Variants in EPG5 observed in about 807,000 individuals in gnomAD.
EPG5 encodes ectopic P granules protein 5 homolog.
A neutral mutation model predicts 302.7 loss-of-function variants in EPG5; 159 were observed. The ratio of observed to expected loss-of-function variants is 0.53; its 90% CI spans 0.46 to 0.60. EPG5 has a LOEUF of 0.60. EPG5 is among the 20% of genes least tolerant of loss of function. EPG5 has a pLI of 0.00. For synonymous variants in EPG5, 1,158 were observed against 1,136.8 expected, an observed-to-expected ratio of 1.02 and a Z score of -0.37; for missense variants, 2,896 against 3,092.4, an observed-to-expected ratio of 0.94 and a Z score of 1.51.
chr18:45,927,674 T>C (rs1316758700), intron 13 of EPG5, among the ~76,000 whole-genome samples: 4 of 149,870 alleles, frequency 2.7e-5, no homozygotes, highest in Admixed American at 2.0e-4. Flanking sequence ...ATGAAGTAAA[T>C]GCTGACACAT....
At chr18:45,941,115 G>T (rs1223757679) in intron 9 of EPG5, among the ~76,000 whole-genome samples, 4 of 151,802 alleles carry the variant, frequency 2.6e-5, no homozygotes, top group African/African-American at 9.7e-5. Context: ...GAGAGGTCCA[G>T]GGACTGAGCC....
intron 35 of EPG5, among the ~76,000 whole-genome samples, chr18:45,873,297 G>T (rs1356958662): frequency 6.6e-6 from 1 of 152,168 alleles, no homozygotes; most frequent in Non-Finnish European, 1.5e-5. Context: ...GGATCACAAG[G>T]TCAGGAGTTC....
chr18:45,916,238 A>T, intron 18 of EPG5, 32 bp from the exon 19 acceptor site: 1 of 1,582,608 alleles, frequency 6.3e-7, no homozygotes, highest in South Asian at 1.2e-5. Context: ...GATGGGAAAG[A>T]TAACAACCAG....
At position 45,916,077 on chromosome 18, in the gene EPG5, A is replaced by G; in HGVS notation, c.3514T>C (p.Leu1172=). 1 of 1,614,052 alleles carries G rather than the reference A, an allele frequency of 6.2e-7. No homozygotes were observed. The highest frequency in any genetic ancestry group is 1.1e-5 in the South Asian group (1 of 91,054). ...ATCAGCTGAAAAGCTGCTTTACACA[A>G]GTGGTCCATGAGGAAGAGGATAGGT... ...EQPILFLMDH[L]CKAAFQLMQE... is the part of the protein sequence containing the mutation. Residue 1172 remains leucine, a synonymous_variant, in exon 19 of 44, where the codon TTG becomes CTG. Transcript: ENST00000282041.
Position 45,908,001 on chromosome 18 carries a change from T to C in EPG5, c.4286A>G (p.His1429Arg), listed in dbSNP as rs1329572416. Residue 1429 changes from histidine to arginine, a missense_variant, in exon 24 of 44, where the codon CAT (histidine) becomes CGT (arginine). His to Arg is a conservative substitution (Grantham distance 29). This residue lies in a region of EPG5 where 790 missense variants were observed against 798.0 expected (regional missense o/e 0.99). Coordinates refer to ENST00000282041, the MANE Select transcript of EPG5 (RefSeq NM_020964.3). The part of the protein sequence containing the change: ...GDTYIPSLPK[H>R]YDIHRLAKVM... ...TTTTGCTAGCCTGTGAATATCATAA[T>C]GCTTTGGTAGAGAAGGGATATAGGT... 7 of 1,599,096 alleles carry C rather than the reference T, an allele frequency of 4.4e-6. No homozygotes were observed. Among genetic ancestry groups the C allele is most frequent in the East Asian group, 2.3e-5 (1 of 44,384 alleles).
At chr18:45,924,395 G>A (rs1319123942) in intron 14 of EPG5, among the ~76,000 whole-genome samples, 1 of 152,180 alleles carries the variant, frequency 6.6e-6, no homozygotes, top group African/African-American at 2.4e-5. Flanking sequence ...ATGAATCTAT[G>A]GGCAGTCCCA....
chr18:45,915,512 T>G lies in EPG5; in HGVS notation c.3692A>C (p.Gln1231Pro). The G allele has an allele frequency of 6.2e-7, 1 of 1,609,080 alleles. No individual in the cohort carries two copies. Among genetic ancestry groups the G allele is most frequent in the Non-Finnish European group, 8.5e-7 (1 of 1,175,572 alleles). The change falls in exon 20 of 44, where the codon CAG (glutamine) becomes CCG (proline). Residue 1231 changes from glutamine (Q) to proline (P), a missense_variant and splice_region_variant. Physicochemically the swap from Gln to Pro is moderately conservative, Grantham distance 76. Transcript: ENST00000282041. ...TGATCCTCTCAGTGAGTTTCCTACC[T>G]GAGTGGGCGTGGCCAAGCCCTCCAC... ...SFVEGLATPTQVWFAWTVLNM... is the reference protein window; with the variant it reads ...SFVEGLATPTPVWFAWTVLNM...
At chr18:45,816,348 C>G in the EPG5 span, among the ~76,000 whole-genome samples, 1 of 151,920 alleles carries the variant, frequency 6.6e-6, no homozygotes, top group South Asian at 2.1e-4. Context: ...ACAGTCAACC[C>G]ACAGAGAGAG....
chr18:45,901,146 T>G lies in EPG5; in HGVS notation c.4496A>C (p.Asn1499Thr), dbSNP rs748874666. 6 of 1,614,166 alleles carry G rather than the reference T, an allele frequency of 3.7e-6. No individual in the cohort carries two copies. Among genetic ancestry groups the G allele is most frequent in the Non-Finnish European group, 2.5e-6 (3 of 1,180,036 alleles). ...PLLAKERVLS[N>T]LRKHEAPQPP... ...CTGGGGAGCCTCATGCTTCCGCAAG[T>G]TACTTAAAACCCTTTCTTTAGCTGA... The change falls in exon 26 of 44, where the codon AAC becomes ACC. Residue 1499 changes from asparagine to threonine, a missense_variant. This residue lies in a region of EPG5 where 790 missense variants were observed against 798.0 expected (regional missense o/e 0.99). Transcript: ENST00000282041.
chr18:45,805,248 G>A, the EPG5 span, among the ~76,000 whole-genome samples: 1 of 151,968 alleles, frequency 6.6e-6, no homozygotes, highest in Non-Finnish European at 1.5e-5. Flanking sequence ...AATAAAGTCT[G>A]GCACTTAATT....
intron 25 of EPG5, among the ~76,000 whole-genome samples, chr18:45,902,725 A>C (rs2049648741): frequency 6.6e-6 from 1 of 152,252 alleles, no homozygotes; most frequent in Non-Finnish European, 1.5e-5. Context: ...TTAGAAGTAT[A>C]GGCCCTAATT....
intron 21 of EPG5, among the ~76,000 whole-genome samples, chr18:45,913,064 C>A (rs2049944680): frequency 2.0e-5 from 3 of 150,120 alleles, no homozygotes; most frequent in Non-Finnish European, 3.0e-5. Context: ...AAATTCCAGC[C>A]CGGGCGACAG....
intron 27 of EPG5, among the ~76,000 whole-genome samples, chr18:45,896,759 AG>A (rs2049487058): frequency 1.3e-5 from 2 of 152,264 alleles, no homozygotes; most frequent in East Asian, 3.9e-4. Flanking sequence ...CATGTTGCCC[AG>A]GCTGCTGAAC....
At chr18:45,822,775 CA>C in the EPG5 span, among the ~76,000 whole-genome samples, 2 of 152,082 alleles carry the variant, frequency 1.3e-5, no homozygotes, top group African/African-American at 2.4e-5. Flanking sequence ...ATAATCCAAT[CA>C]GAGAAAACAG....
chr18:45,821,035 G>T, the EPG5 span, among the ~76,000 whole-genome samples: 1 of 152,206 alleles, frequency 6.6e-6, no homozygotes, highest in Non-Finnish European at 1.5e-5. Context: ...GTATACATTT[G>T]TCAAGTGCAG....
At chr18:45,915,956 G>T in intron 19 of EPG5, 53 bp downstream of exon 19, 1 of 1,473,982 alleles carries the variant, frequency 6.8e-7, no homozygotes, top group Non-Finnish European at 9.2e-7. Flanking sequence ...TTTTTAGAAA[G>T]CTACTTTATC....
At chr18:45,865,822 T>C (rs2048735170) in intron 38 of EPG5, 63 bp from the exon 39 acceptor site, 3 of 1,538,732 alleles carry the variant, frequency 1.9e-6, no homozygotes, top group Middle Eastern at 1.8e-4. Flanking sequence ...TAACTGCATA[T>C]TTCCTGGGAG....
intron 38 of EPG5, among the ~76,000 whole-genome samples, chr18:45,866,122 CT>C (rs11390724): frequency 2.0e-3 from 284 of 141,364 alleles, no homozygotes; most frequent in Non-Finnish European, 1.7e-3. Context: ...GGTACTATTT[CT>C]TTTTTTTTTT....
the EPG5 span, among the ~76,000 whole-genome samples, chr18:45,835,029 A>G: frequency 6.6e-6 from 1 of 152,212 alleles, no homozygotes; most frequent in Admixed American, 6.5e-5. Flanking sequence ...TCTAGAGATA[A>G]AATGTTAGGT....
Sources: allele counts gnomAD v4.1 joint callset (sites outside exome capture counted in the v4.1 genomes callset), GRCh38; gene constraint gnomAD v4.1.1; regional missense constraint gnomAD v4.1.1; transcripts MANE v1.5; gene names NCBI Gene and HGNC (gene_info 2026-07-23, HGNC 2026-07-21).